The following SUSD6 variants were observed in gnomAD, a reference collection of about 807,000 sequenced individuals.
SUSD6 encodes sushi domain-containing protein 6.
SUSD6 carries 16 observed loss-of-function variants against 28.4 expected under a neutral mutation model. That is an observed-to-expected ratio of 0.56 (90% CI 0.38 to 0.86). The LOEUF is 0.86. Among genes scored for constraint, SUSD6 ranks in the 40% least tolerant of loss-of-function variants. SUSD6 has a pLI of 0.00. For missense variants in SUSD6, 341 were observed against 384.2 expected, an observed-to-expected ratio of 0.89 and a Z score of 0.94; for synonymous variants, 147 against 159.6, an observed-to-expected ratio of 0.92 and a Z score of 0.59.
intron 4 of SUSD6, 103 bp downstream of exon 4, chr14:69,704,845 C>T (rs1886365074): frequency 7.9e-7 from 1 of 1,271,530 alleles, no homozygotes; most frequent in East Asian, 2.3e-5. Flanking sequence ...CTCTGTGGGT[C>T]TGTGTGTGTC....
At chr14:69,662,045 A>G (rs1489164630) in intron 2 of SUSD6, among the ~76,000 whole-genome samples, 1 of 152,102 alleles carries the variant, frequency 6.6e-6, no homozygotes, top group Admixed American at 6.5e-5. Context: ...CTACCTTCCA[A>G]AGTGCTGGGA....
At chr14:69,710,149 C>T (rs570419338) in intron 5 of SUSD6, among the ~76,000 whole-genome samples, 2 of 152,336 alleles carry the variant, frequency 1.3e-5, no homozygotes, top group East Asian at 1.9e-4. Flanking sequence ...GCCAGCCACA[C>T]ATATTGTGAG....
chr14:69,672,822 G>A (rs1885853430), intron 2 of SUSD6, among the ~76,000 whole-genome samples: 1 of 152,240 alleles, frequency 6.6e-6, no homozygotes, highest in African/African-American at 2.4e-5. Flanking sequence ...TCAAGGAAAG[G>A]CCTAGGTGCA....
At position 69,697,040 on chromosome 14, in the gene SUSD6, G is replaced by C. The variant is rs527429818; in HGVS notation, c.122-6355G>C. The stretch of plus-strand genomic sequence containing the variant: ...TAAACAAGAGGTGGATTATTCATTA[G>C]ATTTCCAGGAAAGGGGTGGGAATTC... On this transcript the variant is annotated intron_variant, in intron 2 of 5. Coordinates refer to ENST00000342745, the MANE Select transcript of SUSD6 (RefSeq NM_014734.4). Among the ~76,000 whole-genome samples the C allele has an allele frequency of 5.9e-5, 9 of 152,294 alleles. No homozygotes were observed. The East Asian group carries it at 1.7e-3, about 29-fold the overall frequency.
chr14:69,714,960 G>A lies in SUSD6; in HGVS notation c.*3981G>A, dbSNP rs1234115824. The A allele has an allele frequency of 6.6e-6, 1 of 152,110 alleles. No individual in the cohort carries two copies. The highest frequency in any genetic ancestry group is 2.4e-5 in the African/African-American group (1 of 41,412). 9.4% of individuals were successfully genotyped at this position (152,110 alleles called of 1,614,324 possible). ...CACATTCATAATTGACTCTGTGCAG[G>A]ATGTCACTCAATCAGTTTGGGTTTG... On this transcript the variant is annotated 3_prime_UTR_variant, in exon 6 of 6. Coordinates refer to ENST00000342745, the MANE Select transcript of SUSD6 (RefSeq NM_014734.4).
chr14:69,668,183 C>G (rs1885773040), intron 2 of SUSD6, among the ~76,000 whole-genome samples: 1 of 152,178 alleles, frequency 6.6e-6, no homozygotes, highest in Non-Finnish European at 1.5e-5. Flanking sequence ...GTTTTCATGC[C>G]TCAGGGATGC....
intron 1 of SUSD6, among the ~76,000 whole-genome samples, chr14:69,649,280 A>G (rs1217676636): frequency 6.6e-6 from 1 of 152,218 alleles, no homozygotes; most frequent in Non-Finnish European, 1.5e-5. Context: ...CAGTATAGTC[A>G]TTGGAGACAC....
At chr14:69,632,204 C>G (rs1306944186) in intron 1 of SUSD6, among the ~76,000 whole-genome samples, 1 of 152,210 alleles carries the variant, frequency 6.6e-6, no homozygotes. Context: ...GAGAGCACCA[C>G]TGTTCACCCT....
intron 1 of SUSD6, among the ~76,000 whole-genome samples, chr14:69,649,057 C>A (rs1885467471): frequency 6.6e-6 from 1 of 152,214 alleles, no homozygotes; most frequent in African/African-American, 2.4e-5. Context: ...CATCAGAAGT[C>A]TTTGTTCCTG....
At chr14:69,634,939 C>G (rs1252188249) in intron 1 of SUSD6, among the ~76,000 whole-genome samples, 1 of 152,164 alleles carries the variant, frequency 6.6e-6, no homozygotes, top group African/African-American at 2.4e-5. Context: ...GATTTATACC[C>G]TCTTCCCATT....
chr14:69,655,451 A>C (rs888016730), intron 1 of SUSD6, among the ~76,000 whole-genome samples: 1 of 152,050 alleles, frequency 6.6e-6, no homozygotes, highest in Non-Finnish European at 1.5e-5. Flanking sequence ...GTATATGTGC[A>C]TTTTTTTGGA....
In SUSD6 at chr14:69,712,490, A is replaced by G. The variant is rs1177874074; in HGVS notation, c.*1511A>G. ...GCTTTTTTCTGAAATTTTCTGAAGC[A>G]CTGTGGCTGGGAAACTTCGAAGCGG... On this transcript the variant is annotated 3_prime_UTR_variant, in exon 6 of 6. Coordinates refer to ENST00000342745, the MANE Select transcript of SUSD6 (RefSeq NM_014734.4). 1 of 152,398 alleles carries G rather than the reference A, an allele frequency of 6.6e-6. No individual in the cohort carries two copies. The highest frequency in any genetic ancestry group is 2.1e-4 in the South Asian group (1 of 4,834). 9.4% of individuals were successfully genotyped at this position (152,398 alleles called of 1,614,324 possible).
chr14:69,696,091 TGA>T (rs1467685451), intron 2 of SUSD6, among the ~76,000 whole-genome samples: 3 of 152,172 alleles, frequency 2.0e-5, no homozygotes, highest in Non-Finnish European at 4.4e-5. Context: ...AATGGGGAAA[TGA>T]GCCACAAAAC....
intron 2 of SUSD6, among the ~76,000 whole-genome samples, chr14:69,676,580 A>G (rs1885913586): frequency 6.6e-6 from 1 of 152,112 alleles, no homozygotes. Flanking sequence ...GTTTTTTTAG[A>G]GATGACATCT....
intron 2 of SUSD6, among the ~76,000 whole-genome samples, chr14:69,700,345 T>G (rs1332171368): frequency 6.6e-6 from 1 of 151,974 alleles, no homozygotes; most frequent in Non-Finnish European, 1.5e-5. Flanking sequence ...CTAAGGGGTC[T>G]CTCCTACCTC....
At chr14:69,693,193 C>T (rs1297878953) in intron 2 of SUSD6, among the ~76,000 whole-genome samples, 1 of 152,100 alleles carries the variant, frequency 6.6e-6, no homozygotes, top group Non-Finnish European at 1.5e-5. Context: ...TGGCTTTGGG[C>T]ACTGAGTGGG....
chr14:69,617,563 A>G (rs1595028285), intron 1 of SUSD6: 1 of 152,238 alleles, frequency 6.6e-6, no homozygotes, highest in South Asian at 2.1e-4. Flanking sequence ...CATTGGTGAG[A>G]GTTGACAGAC....
At chr14:69,645,000 A>AT (rs1885406686) in intron 1 of SUSD6, among the ~76,000 whole-genome samples, 1 of 152,066 alleles carries the variant, frequency 6.6e-6, no homozygotes, top group Admixed American at 6.6e-5. Context: ...CCTACTTCTC[A>AT]TTTTTGCTTG....
chr14:69,706,340 A>C (rs1431448156), intron 4 of SUSD6, among the ~76,000 whole-genome samples: 1 of 151,966 alleles, frequency 6.6e-6, no homozygotes, highest in Admixed American at 6.6e-5. Flanking sequence ...AGTAGAGGGG[A>C]GATTTGGTTT....
Sources: gnomAD v4.1 joint callset for allele counts (sites outside exome capture counted in the v4.1 genomes callset) on GRCh38, gnomAD v4.1.1 for gene constraint, MANE v1.5 for transcripts, NCBI Gene and HGNC (gene_info 2026-07-23, HGNC 2026-07-21) for gene names.